Variants in BABAM2 observed in about 807,000 individuals in gnomAD.
BABAM2 encodes BRISC and BRCA1-A complex member 2.
A neutral mutation model predicts 54.7 loss-of-function variants in BABAM2; 31 were observed. The ratio of observed to expected loss-of-function variants is 0.57; its 90% confidence interval spans 0.43 to 0.77. The LOEUF is 0.77. Ranked by LOEUF, BABAM2 falls within the 30% of genes least tolerant of loss-of-function variation. BABAM2 has a pLI of 0.00. For missense variants in BABAM2, 364 were observed against 455.8 expected, an observed-to-expected ratio of 0.80 and a Z score of 1.83; for synonymous variants, 167 against 162.9, an observed-to-expected ratio of 1.03 and a Z score of -0.19.
intron 11 of BABAM2, among the ~76,000 whole-genome samples, chr2:28,315,183 C>T (rs1247226087): frequency 2.6e-5 from 4 of 151,940 alleles, no homozygotes; most frequent in Non-Finnish European, 4.4e-5. Context: ...CCTCTGGAAT[C>T]AGACCAGCTG....
intron 2 of BABAM2, among the ~76,000 whole-genome samples, chr2:27,902,463 C>T (rs1250183142): frequency 6.6e-6 from 1 of 152,164 alleles, no homozygotes; most frequent in Non-Finnish European, 1.5e-5. Context: ...TATACATCTT[C>T]TATTTTATTA....
At chr2:28,253,765 T>G (rs1356216771) in intron 10 of BABAM2, among the ~76,000 whole-genome samples, 1 of 152,112 alleles carries the variant, frequency 6.6e-6, no homozygotes, top group Non-Finnish European at 1.5e-5. Context: ...GTCAGAGAGA[T>G]ATGGAGACTA....
At chr2:28,009,670 T>C (rs1230251345) in intron 4 of BABAM2, among the ~76,000 whole-genome samples, 1 of 152,048 alleles carries the variant, frequency 6.6e-6, no homozygotes, top group East Asian at 1.9e-4. Flanking sequence ...AAAGAACTGG[T>C]GAGGAATGGG....
At chr2:28,184,940 T>A (rs762139264) in intron 7 of BABAM2, among the ~76,000 whole-genome samples, 1 of 152,238 alleles carries the variant, frequency 6.6e-6, no homozygotes, top group Non-Finnish European at 1.5e-5. Context: ...AGACTTTATC[T>A]TGATAATTTT....
chr2:27,934,661 A>G (rs911794884), intron 3 of BABAM2, among the ~76,000 whole-genome samples: 1 of 152,240 alleles, frequency 6.6e-6, no homozygotes, highest in Admixed American at 6.5e-5. Flanking sequence ...ATGCAAAGAA[A>G]AATTTCTTGA....
chr2:28,302,860 G>A (rs770418685), intron 11 of BABAM2, among the ~76,000 whole-genome samples: 2 of 151,976 alleles, frequency 1.3e-5, no homozygotes, highest in African/African-American at 4.8e-5. Context: ...GTGCTTATTG[G>A]TTTATCTCTT....
chr2:28,037,209 T>C (rs1427330565), intron 5 of BABAM2, among the ~76,000 whole-genome samples: 2 of 152,180 alleles, frequency 1.3e-5, no homozygotes, highest in Non-Finnish European at 2.9e-5. Flanking sequence ...CCTGTCCAGG[T>C]AAGCACTAAT....
chr2:28,217,633 A>G (rs1680034936), intron 7 of BABAM2, among the ~76,000 whole-genome samples: 1 of 152,162 alleles, frequency 6.6e-6, no homozygotes. Flanking sequence ...GTGCTTAACC[A>G]CCTCATTTTT....
intron 2 of BABAM2, among the ~76,000 whole-genome samples, chr2:27,926,096 T>C (rs1667683908): frequency 6.6e-6 from 1 of 151,814 alleles, no homozygotes; most frequent in South Asian, 2.1e-4. Flanking sequence ...TTGTGGTCTT[T>C]TTTTTTTTTT....
chr2:27,919,069 T>C (rs1405133966), intron 2 of BABAM2, among the ~76,000 whole-genome samples: 17 of 152,222 alleles, frequency 1.1e-4, no homozygotes, highest in Non-Finnish European at 4.4e-5. Context: ...AATAATAGCT[T>C]TCTGCATAGA....
chr2:27,899,682 G>C (rs771484582), intron 2 of BABAM2, among the ~76,000 whole-genome samples: 2 of 152,014 alleles, frequency 1.3e-5, no homozygotes, highest in African/African-American at 4.8e-5. Context: ...GGCTAGGTTG[G>C]TGTCAAACTC....
chr2:27,953,026 C>G (rs546739216), intron 3 of BABAM2, among the ~76,000 whole-genome samples: 1 of 152,066 alleles, frequency 6.6e-6, no homozygotes, highest in Non-Finnish European at 1.5e-5. Context: ...ACACTTCTCT[C>G]TCTCTCTTTT....
intron 3 of BABAM2, among the ~76,000 whole-genome samples, chr2:27,981,307 A>G (rs1034031718): frequency 3.3e-5 from 5 of 152,152 alleles, no homozygotes; most frequent in Non-Finnish European, 5.9e-5. Context: ...GGTTTTTTTA[A>G]AGTGGGACAA....
chr2:28,150,359 A>G (rs934005292), intron 7 of BABAM2, among the ~76,000 whole-genome samples: 16 of 152,150 alleles, frequency 1.1e-4, no homozygotes, highest in Admixed American at 1.3e-4. Flanking sequence ...TTACAGTAAT[A>G]AAGAAAAGAA....
chr2:28,090,771 G>C (rs184600694), intron 6 of BABAM2, among the ~76,000 whole-genome samples: 5 of 152,246 alleles, frequency 3.3e-5, no homozygotes, highest in South Asian at 2.1e-4. Flanking sequence ...GGGCCCAGGG[G>C]TTAGTAGCGT....
intron 4 of BABAM2, among the ~76,000 whole-genome samples, chr2:28,024,269 G>T (rs1011205998): frequency 6.6e-6 from 1 of 152,088 alleles, no homozygotes; most frequent in Non-Finnish European, 1.5e-5. Flanking sequence ...AGCCGGGCCT[G>T]GTGGCGGGCG....
intron 10 of BABAM2, among the ~76,000 whole-genome samples, chr2:28,258,779 A>C (rs538522162): frequency 7.4e-4 from 108 of 146,192 alleles, no homozygotes; most frequent in African/African-American, 1.8e-3. Flanking sequence ...TGCCTGGCTA[A>C]TTTTTTTTTC....
At chr2:27,962,704 T>C (rs958325724) in intron 3 of BABAM2, among the ~76,000 whole-genome samples, 2 of 152,228 alleles carry the variant, frequency 1.3e-5, no homozygotes, top group East Asian at 1.9e-4. Context: ...TATTTTGCTA[T>C]AGTACCTCTT....
chr2:28,193,519 A>G (rs1677165673), intron 7 of BABAM2, among the ~76,000 whole-genome samples: 1 of 152,170 alleles, frequency 6.6e-6, no homozygotes. Context: ...CTTGCCTCAG[A>G]ATTGATACAA....
Sources: allele counts gnomAD v4.1 joint callset (sites outside exome capture counted in the v4.1 genomes callset), GRCh38; gene constraint gnomAD v4.1.1; transcripts MANE v1.5; gene names NCBI Gene and HGNC (gene_info 2026-07-23, HGNC 2026-07-21).